The following LRRC4C variants were observed in gnomAD, a reference collection of about 807,000 sequenced individuals.
LRRC4C encodes leucine-rich repeat-containing protein 4C.
A neutral mutation model predicts 33.6 loss-of-function variants in LRRC4C; 5 were observed. That is an observed-to-expected ratio of 0.15 (90% CI 0.08 to 0.31). The LOEUF (loss-of-function observed/expected upper bound fraction) is 0.31, where lower values mean the gene tolerates loss of function less well. Ranked by LOEUF, LRRC4C falls within the 10% of genes least tolerant of loss-of-function variation. The pLI is 1.00. For synonymous variants in LRRC4C, 329 were observed against 302.0 expected (o/e 1.09, Z -0.93); for missense variants, 560 against 796.7 (o/e 0.70, Z 3.58).
chr11:40,304,023 A>G (rs2136687410), intron 4 of LRRC4C, among the ~76,000 whole-genome samples: 1 of 152,332 alleles, frequency 6.6e-6, no homozygotes, highest in African/African-American at 2.4e-5. Context: ...CATCTTACAA[A>G]CACTTGCTCA....
intron 2 of LRRC4C, among the ~76,000 whole-genome samples, chr11:40,878,695 G>C (rs1955032398): frequency 6.6e-6 from 1 of 152,112 alleles, no homozygotes; most frequent in African/African-American, 2.4e-5. Flanking sequence ...CTTAACTTAT[G>C]ACTTAACATT....
intron 3 of LRRC4C, among the ~76,000 whole-genome samples, chr11:40,449,013 T>C (rs1327918023): frequency 6.6e-6 from 1 of 152,244 alleles, no homozygotes; most frequent in African/African-American, 2.4e-5. Flanking sequence ...TGATGAGCTT[T>C]TTTTCATATG....
At chr11:40,365,091 GA>G (rs996582589) in intron 3 of LRRC4C, among the ~76,000 whole-genome samples, 1 of 145,064 alleles carries the variant, frequency 6.9e-6, no homozygotes, top group Non-Finnish European at 1.5e-5. Context: ...TTTACCAGTA[GA>G]AAACTGGATC....
intron 3 of LRRC4C, among the ~76,000 whole-genome samples, chr11:40,623,579 T>G (rs568785126): frequency 3.9e-5 from 6 of 152,182 alleles, no homozygotes; most frequent in African/African-American, 1.2e-4. Flanking sequence ...TTCACAGTAA[T>G]TCCAAGCATA....
Position 41,403,380 on chromosome 11 carries a change from A to G in LRRC4C, c.-496+56051T>C, listed in dbSNP as rs148509323. 7.9e-3 allele frequency among the ~76,000 whole-genome samples: 1,203 copies of G among 152,222 alleles called. 17 individuals are homozygous for G. The highest frequency in any genetic ancestry group is 0.028 in the African/African-American group (1,159 of 41,552). On this transcript the variant is annotated intron_variant, in intron 1 of 6. Coordinates refer to ENST00000528697, the MANE Select transcript of LRRC4C (RefSeq NM_001258419.2). ...CAGAAAAACCAGCTGTGAAATTCAG[A>G]TACCTACAGGTCTGTATATATAGAC...
chr11:41,237,947 T>C (rs1180490915), intron 1 of LRRC4C, among the ~76,000 whole-genome samples: 1 of 152,154 alleles, frequency 6.6e-6, no homozygotes, highest in Non-Finnish European at 1.5e-5. Flanking sequence ...CTTACCTCTG[T>C]TTCTTTGCTA....
intron 1 of LRRC4C, among the ~76,000 whole-genome samples, chr11:41,421,511 T>C (rs1389097997): frequency 6.6e-6 from 1 of 152,056 alleles, no homozygotes; most frequent in East Asian, 1.9e-4. Flanking sequence ...GTAATTATGG[T>C]GCTATTGTTA....
At position 40,208,948 on chromosome 11, in the gene LRRC4C, CGTGT is replaced by C. The variant is rs58767227; in HGVS notation, c.-96+32567_-96+32570del. Among the ~76,000 whole-genome samples, 26 of 146,740 alleles carry C rather than the reference CGTGT, an allele frequency of 1.8e-4. No individual in the cohort carries two copies. In the South Asian group the frequency reaches 2.2e-3, roughly 12 times the overall value. On this transcript the variant is annotated intron_variant, in intron 5 of 6. Transcript: ENST00000528697. ...CCAAATCAGGGCTTTCTTTTGTGCA[CGTGT>C]GTGTGTGTGTGTGTGTGTGTGTGTG...
intron 2 of LRRC4C, among the ~76,000 whole-genome samples, chr11:40,916,521 G>C (rs1435552461): frequency 6.6e-6 from 1 of 152,062 alleles, no homozygotes; most frequent in Non-Finnish European, 1.5e-5. Flanking sequence ...CACAGGAAGG[G>C]GAACATCACA....
intron 4 of LRRC4C, among the ~76,000 whole-genome samples, chr11:40,289,038 A>C (rs1477687503): frequency 6.6e-6 from 1 of 152,202 alleles, no homozygotes; most frequent in Non-Finnish European, 1.5e-5. Flanking sequence ...TCTTAGAAGA[A>C]AGTCATAATG....
chr11:40,940,219 T>C (rs748978689), intron 1 of LRRC4C, among the ~76,000 whole-genome samples: 1 of 152,154 alleles, frequency 6.6e-6, no homozygotes, highest in Non-Finnish European at 1.5e-5. Flanking sequence ...AATGGGCTTG[T>C]TGTGAGAATT....
At chr11:40,700,847 T>C (rs1341571831) in intron 2 of LRRC4C, among the ~76,000 whole-genome samples, 7 of 152,128 alleles carry the variant, frequency 4.6e-5, no homozygotes, top group Admixed American at 2.6e-4. Flanking sequence ...CCACAGAAAA[T>C]AAAATAAAAT....
At position 40,682,267 on chromosome 11, in the gene LRRC4C, C is replaced by G. The variant is rs552151547; in HGVS notation, c.-406-33989G>C. Among the ~76,000 whole-genome samples the G allele has an allele frequency of 3.3e-3, 462 of 141,800 alleles. 4 individuals are homozygous for G. Among genetic ancestry groups the G allele is most frequent in the African/African-American group, 0.013 (441 of 34,258 alleles). 93.0% of individuals were successfully genotyped at this position (141,800 alleles called of 152,430 possible). A position where few individuals can be genotyped will look rare whatever the true frequency, so the allele number is the denominator to read the frequency against. ...CCTGGGTGACAAAGTGAGGCCCCAC[C>G]TTGAAAAAAAAAAAAAGCATAAAAG... is the stretch of plus-strand genomic sequence containing the variant. On this transcript the variant is annotated intron_variant, in intron 2 of 6. Coordinates refer to ENST00000528697, the MANE Select transcript of LRRC4C (RefSeq NM_001258419.2).
At chr11:40,796,635 C>T (rs911018264) in intron 2 of LRRC4C, among the ~76,000 whole-genome samples, 7 of 104,930 alleles carry the variant, frequency 6.7e-5, no homozygotes, top group East Asian at 5.7e-4. Context: ...AAGCAGAACT[C>T]TTTTTTTTTT....
intron 1 of LRRC4C, among the ~76,000 whole-genome samples, chr11:41,015,330 T>C (rs1180672526): frequency 6.6e-6 from 1 of 152,186 alleles, no homozygotes. Context: ...AAAATTTTGT[T>C]AATGTTTAAT....
chr11:40,438,387 A>G (rs890808765), intron 3 of LRRC4C, among the ~76,000 whole-genome samples: 10 of 152,208 alleles, frequency 6.6e-5, no homozygotes, highest in Admixed American at 5.9e-4. Flanking sequence ...GTCATCCCCC[A>G]AATTATTTTA....
At chr11:41,117,640 A>T (rs1942205267) in intron 1 of LRRC4C, among the ~76,000 whole-genome samples, 1 of 152,170 alleles carries the variant, frequency 6.6e-6, no homozygotes, top group Non-Finnish European at 1.5e-5. Context: ...TAGAATAAAA[A>T]GTCTAAGTCA....
At chr11:40,889,027 C>T (rs1204990371) in intron 2 of LRRC4C, among the ~76,000 whole-genome samples, 2 of 151,970 alleles carry the variant, frequency 1.3e-5, no homozygotes, top group Non-Finnish European at 2.9e-5. Context: ...TTTGGAAATA[C>T]CTATGAAAAG....
intron 3 of LRRC4C, among the ~76,000 whole-genome samples, chr11:40,409,772 A>G (rs929579315): frequency 2.0e-5 from 3 of 152,066 alleles, no homozygotes; most frequent in African/African-American, 7.2e-5. Flanking sequence ...ATCCTTGAAC[A>G]CTGTTGATGG....
Sources: gnomAD v4.1 joint callset for allele counts (sites outside exome capture counted in the v4.1 genomes callset) on GRCh38, gnomAD v4.1.1 for gene constraint, MANE v1.5 for transcripts, NCBI Gene and HGNC (gene_info 2026-07-23, HGNC 2026-07-21) for gene names.